Variants in IQGAP1 observed in about 807,000 individuals in gnomAD.
IQGAP1 encodes the protein IQ motif containing GTPase activating protein 1, also known as ras GTPase-activating-like protein IQGAP1.
Under a neutral mutation model 215.6 loss-of-function variants are expected in IQGAP1, and 66 were observed. The observed-to-expected ratio is 0.31, with a 90% CI of 0.25 to 0.38. The LOEUF is 0.38. IQGAP1 is among the 10% of genes least tolerant of loss of function. IQGAP1 has a pLI of 1.00. For missense variants in IQGAP1, 1,712 were observed against 1,997.1 expected (o/e 0.86, Z 2.72); for synonymous variants, 772 against 728.7 (o/e 1.06, Z -0.96).
chr15:90,390,756 C>G lies in IQGAP1; in HGVS notation c.56-18C>G. On this transcript the variant is annotated intron_variant, in intron 1 of 37. Coordinates refer to ENST00000268182, the MANE Select transcript of IQGAP1 (RefSeq NM_003870.4). ...GGCTACAGATCCTGGTGTTTACATT[C>G]TTTCTTTTATGTTGTAGCTGTCCTG... 6.5e-7 allele frequency: 1 copy of G among 1,538,592 alleles called. No homozygotes were observed. Among genetic ancestry groups the G allele is most frequent in the Non-Finnish European group, 9.0e-7 (1 of 1,111,824 alleles).
chr15:90,478,142 C>G (rs1966006917), intron 26 of IQGAP1, among the ~76,000 whole-genome samples: 2 of 152,076 alleles, frequency 1.3e-5, no homozygotes, highest in Admixed American at 1.3e-4. Flanking sequence ...CAGTTGCACG[C>G]TACCACACCT....
At chr15:90,444,530 C>T (rs11857598) in intron 9 of IQGAP1, among the ~76,000 whole-genome samples, 32,269 of 151,982 alleles carry the variant, frequency 0.21, 4,653 homozygotes, top group African/African-American at 0.41. Context: ...GTGATCCTGC[C>T]ACCTTGGCCT....
At chr15:90,392,389 T>C (rs547308973) in intron 2 of IQGAP1, among the ~76,000 whole-genome samples, 1 of 152,324 alleles carries the variant, frequency 6.6e-6, no homozygotes, top group East Asian at 1.9e-4. Flanking sequence ...GCCATTTAAA[T>C]TGTGGATTTC....
chr15:90,470,436 G>C (rs373287521), intron 18 of IQGAP1, among the ~76,000 whole-genome samples: 1 of 152,108 alleles, frequency 6.6e-6, no homozygotes, highest in South Asian at 2.1e-4. Flanking sequence ...ATTCTAGTGC[G>C]AGGTCTGAGA....
chr15:90,483,227 G>C (rs8030299), intron 28 of IQGAP1, 134 bp from the exon 29 acceptor site: 2 of 632,626 alleles, frequency 3.2e-6, no homozygotes, highest in South Asian at 3.8e-5. Context: ...GCATGCATGC[G>C]TGTGTATATG....
At chr15:90,429,503 C>T in intron 3 of IQGAP1, 86 bp from the exon 4 acceptor site, 1 of 1,025,116 alleles carries the variant, frequency 9.8e-7, no homozygotes, top group Non-Finnish European at 1.4e-6. Context: ...TGTCAAATCT[C>T]TTGAGGAAAC....
At chr15:90,496,306 CTTTTTTTTTTTT>C (rs552222380) in intron 36 of IQGAP1, among the ~76,000 whole-genome samples, 40,382 of 107,446 alleles carry the variant, frequency 0.38, 6,771 homozygotes, top group East Asian at 0.66. Flanking sequence ...AGCATAATCC[CTTTTTTTTTTTT>C]TTTTTTTTTT....
chr15:90,419,387 A>C (rs1490481010), intron 2 of IQGAP1, among the ~76,000 whole-genome samples: 6 of 152,192 alleles, frequency 3.9e-5, no homozygotes, highest in African/African-American at 1.4e-4. Context: ...ATTGAAAATG[A>C]GTCATTCTAT....
chr15:90,441,546 T>C lies in IQGAP1; in HGVS notation c.690T>C (p.Arg230=), dbSNP rs1346444180. 1 of 1,613,884 alleles carries C rather than the reference T, an allele frequency of 6.2e-7. No homozygotes were observed. The highest frequency in any genetic ancestry group is 1.3e-5 in the African/African-American group (1 of 74,868). ...TTGCTATTAATGAAGCTATTGACCG[T>C]AGAATTCCAGCCGACACATTTGCAG... ...AVIAINEAID[R]RIPADTFAAL... The change falls in exon 8 of 38, where the codon CGT becomes CGC. Residue 230 remains arginine, a synonymous_variant. Coordinates refer to ENST00000268182, the MANE Select transcript of IQGAP1 (RefSeq NM_003870.4).
intron 2 of IQGAP1, among the ~76,000 whole-genome samples, chr15:90,420,515 G>C (rs1408137405): frequency 1.3e-5 from 2 of 152,158 alleles, no homozygotes; most frequent in Non-Finnish European, 2.9e-5. Context: ...CAGTATTCAG[G>C]CTCAGCCTGC....
intron 5 of IQGAP1, among the ~76,000 whole-genome samples, chr15:90,438,891 A>C (rs775758903): frequency 1.6e-4 from 24 of 151,732 alleles, no homozygotes; most frequent in Admixed American, 3.3e-4. Flanking sequence ...CGCCTGGCTA[A>C]TTTTTGTATT....
intron 2 of IQGAP1, among the ~76,000 whole-genome samples, chr15:90,392,987 C>T (rs900921590): frequency 1.3e-5 from 2 of 151,836 alleles, no homozygotes; most frequent in African/African-American, 2.4e-5. Context: ...TCAGGTGATC[C>T]GCCCGTCTCA....
chr15:90,426,492 C>G (rs375702150), intron 3 of IQGAP1, among the ~76,000 whole-genome samples: 1 of 139,390 alleles, frequency 7.2e-6, no homozygotes, highest in Non-Finnish European at 1.6e-5. Context: ...CCGCCTCCCC[C>G]CTACCCTGTC....
At position 90,474,663 on chromosome 15, in the gene IQGAP1, A is replaced by C. The variant is rs1395626722; in HGVS notation, c.2754A>C (p.Gly918=). The C allele has an allele frequency of 1.2e-6, 2 of 1,613,954 alleles. No homozygotes were observed. The highest frequency in any genetic ancestry group is 1.7e-6 in the Non-Finnish European group (2 of 1,179,872). The part of the protein sequence containing the change: ...NDLNLMDIKI[G]LLVKNKITLQ... ...TCAATCTCATGGATATCAAAATTGG[A>C]CTGCTAGTGAAAAATAAGATTACGT... The change falls in exon 23 of 38, where the codon GGA becomes GGC. Residue 918 remains glycine (G), a synonymous_variant. Coordinates refer to ENST00000268182, the MANE Select transcript of IQGAP1 (RefSeq NM_003870.4).
At chr15:90,481,611 A>G (rs925425676) in intron 26 of IQGAP1, among the ~76,000 whole-genome samples, 5 of 151,978 alleles carry the variant, frequency 3.3e-5, no homozygotes, top group South Asian at 2.1e-4. Context: ...CCCTTTCCCT[A>G]TGGTCCTGTG....
intron 5 of IQGAP1, among the ~76,000 whole-genome samples, chr15:90,435,289 C>G (rs1965355767): frequency 6.6e-6 from 1 of 152,012 alleles, no homozygotes; most frequent in Non-Finnish European, 1.5e-5. Flanking sequence ...CCATCCTGGG[C>G]AACGTAGCGA....
chr15:90,405,349 A>C (rs1353069456), intron 2 of IQGAP1, among the ~76,000 whole-genome samples: 1 of 152,232 alleles, frequency 6.6e-6, no homozygotes, highest in African/African-American at 2.4e-5. Flanking sequence ...TTATATTGTA[A>C]TGCTAAACAG....
chr15:90,497,476 A>G, intron 37 of IQGAP1, 136 bp downstream of exon 37: 1 of 583,210 alleles, frequency 1.7e-6, no homozygotes, highest in Non-Finnish European at 3.1e-6. Context: ...ACTGCGGGGA[A>G]AGAAGCTGAG....
intron 15 of IQGAP1, among the ~76,000 whole-genome samples, chr15:90,458,080 TGGTTTGTCTATG>T (rs1231712406): frequency 1.3e-5 from 2 of 152,216 alleles, no homozygotes; most frequent in African/African-American, 2.4e-5. Context: ...ATCAGACTGC[TGGTTTGTCTATG>T]GGTTTGTCTA....
Sources: gnomAD v4.1 joint callset for allele counts (sites outside exome capture counted in the v4.1 genomes callset) on GRCh38, gnomAD v4.1.1 for gene constraint, MANE v1.5 for transcripts, NCBI Gene and HGNC (gene_info 2026-07-23, HGNC 2026-07-21) for gene names.